Variants in PTPN13 observed in about 807,000 individuals in gnomAD.
The protein encoded by PTPN13 is tyrosine-protein phosphatase non-receptor type 13.
Under a neutral mutation model 284.0 loss-of-function variants are expected in PTPN13, and 191 were observed. The ratio of observed to expected loss-of-function variants is 0.67; its 90% CI spans 0.60 to 0.76. The LOEUF is 0.76. Ranked by LOEUF, PTPN13 falls within the 30% of genes least tolerant of loss-of-function variation. PTPN13 has a pLI of 0.00. For missense variants in PTPN13, 2,797 were observed against 2,939.9 expected (o/e 0.95, Z 1.12); for synonymous variants, 986 against 1,022.3 (o/e 0.96, Z 0.68).
At chr4:86,716,761 GGTTA>G in intron 8 of PTPN13, 136 bp downstream of exon 8, 1 of 724,812 alleles carries the variant, frequency 1.4e-6, no homozygotes, top group South Asian at 2.0e-5. Flanking sequence ...AAAAGCTGCT[GGTTA>G]CTCAGTAGTA....
intron 7 of PTPN13, among the ~76,000 whole-genome samples, chr4:86,704,875 A>G (rs1212166): frequency 0.26 from 39,280 of 152,134 alleles, 5,972 homozygotes; most frequent in South Asian, 0.49. Context: ...CTCCATTATT[A>G]TATAGTAACT....
intron 40 of PTPN13, among the ~76,000 whole-genome samples, chr4:86,786,828 C>T (rs191685315): frequency 4.6e-5 from 7 of 152,182 alleles, no homozygotes; most frequent in Admixed American, 1.3e-4. Flanking sequence ...GTAGGCCGGG[C>T]GCGTTGGCTC....
intron 42 of PTPN13, among the ~76,000 whole-genome samples, chr4:86,799,973 G>A (rs1303249168): frequency 6.6e-6 from 1 of 151,500 alleles, no homozygotes; most frequent in African/African-American, 2.4e-5. Flanking sequence ...AAGTAGCTGG[G>A]ATTACAAGTG....
chr4:86,646,224 C>T (rs1724404337), intron 2 of PTPN13, among the ~76,000 whole-genome samples: 1 of 150,944 alleles, frequency 6.6e-6, no homozygotes, highest in East Asian at 1.9e-4. Context: ...TAAAAACATC[C>T]ACTCTTCTAA....
Position 86,721,215 on chromosome 4 carries a change from A to G in PTPN13, c.1386-997A>G, listed in dbSNP as rs149026284. 3.3e-5 allele frequency among the ~76,000 whole-genome samples: 5 copies of G among 152,206 alleles called. No individual in the cohort carries two copies. In the East Asian group the frequency reaches 5.8e-4, roughly 18 times the overall value. On this transcript the variant is annotated intron_variant, in intron 9 of 47. Coordinates refer to ENST00000411767, the MANE Select transcript of PTPN13 (RefSeq NM_080683.3). ...AAATAATTTTAGCTAAAAGACTGTA[A>G]TATTTTATGAAAATAACAGGTTTGA...
intron 7 of PTPN13, among the ~76,000 whole-genome samples, chr4:86,710,896 C>A (rs547599136): frequency 6.6e-6 from 1 of 151,860 alleles, no homozygotes; most frequent in Non-Finnish European, 1.5e-5. Flanking sequence ...ATCTGTATAA[C>A]TAGACTTCTG....
At chr4:86,674,462 G>A (rs1187709485) in intron 3 of PTPN13, among the ~76,000 whole-genome samples, 3 of 152,166 alleles carry the variant, frequency 2.0e-5, no homozygotes, top group Non-Finnish European at 2.9e-5. Context: ...TTCAGAGATT[G>A]AATGTGTATG....
At chr4:86,754,834 A>T (rs2149219908) in intron 20 of PTPN13, among the ~76,000 whole-genome samples, 1 of 152,218 alleles carries the variant, frequency 6.6e-6, no homozygotes, top group Middle Eastern at 3.4e-3. Context: ...CAGAAGGCTT[A>T]AAGTCTCACC....
intron 2 of PTPN13, among the ~76,000 whole-genome samples, chr4:86,663,193 C>CT (rs1379759596): frequency 1.3e-5 from 2 of 152,136 alleles, no homozygotes; most frequent in African/African-American, 4.8e-5. Context: ...AGGTTCATGG[C>CT]TGAGGCCCCT....
intron 40 of PTPN13, among the ~76,000 whole-genome samples, chr4:86,791,216 C>G (rs991594876): frequency 1.3e-5 from 2 of 152,206 alleles, no homozygotes; most frequent in Admixed American, 6.5e-5. Context: ...CAGCGGGTCC[C>G]AAGCCCACGG....
chr4:86,810,068 G>A (rs1473394460), intron 46 of PTPN13, 84 bp downstream of exon 46: 60 of 1,116,358 alleles, frequency 5.4e-5, no homozygotes, highest in Non-Finnish European at 7.1e-5. Context: ...GTGATCTTGG[G>A]ATATTTTAAC....
intron 10 of PTPN13, among the ~76,000 whole-genome samples, chr4:86,727,847 C>CT (rs1734460671): frequency 6.7e-6 from 1 of 148,902 alleles, no homozygotes; most frequent in South Asian, 2.1e-4. Flanking sequence ...TATTTCTTGC[C>CT]TTTTGCTAGC....
chr4:86,689,896 T>A, intron 5 of PTPN13: 1 of 579,846 alleles, frequency 1.7e-6, no homozygotes, highest in East Asian at 2.8e-5. Flanking sequence ...AGGGTTGTAG[T>A]CCTGGAGTGT....
intron 1 of PTPN13, among the ~76,000 whole-genome samples, chr4:86,632,959 C>T (rs1158223130): frequency 6.6e-6 from 1 of 151,998 alleles, no homozygotes; most frequent in Admixed American, 6.6e-5. Flanking sequence ...CAGTAGGCAC[C>T]ACCATGCCCG....
chr4:86,670,321 T>C (rs1727600195), intron 2 of PTPN13, among the ~76,000 whole-genome samples: 1 of 150,042 alleles, frequency 6.7e-6, no homozygotes, highest in South Asian at 2.1e-4. Context: ...TTCAAATGTA[T>C]AACAGATATC....
chr4:86,780,582 T>C, intron 36 of PTPN13, 110 bp downstream of exon 36: 1 of 741,788 alleles, frequency 1.3e-6, no homozygotes, highest in African/African-American at 1.7e-5. Context: ...AACTTACACC[T>C]AAAATATAAT....
intron 44 of PTPN13, 111 bp from the exon 45 acceptor site, chr4:86,807,449 T>C (rs1399967312): frequency 1.3e-5 from 10 of 788,166 alleles, no homozygotes; most frequent in Non-Finnish European, 2.1e-5. Flanking sequence ...CGTTGGTGAT[T>C]TCATCTGTGA....
At chr4:86,773,003 AAAG>A in intron 32 of PTPN13, 45 bp downstream of exon 32, 4 of 1,364,978 alleles carry the variant, frequency 2.9e-6, no homozygotes, top group Non-Finnish European at 3.9e-6. Flanking sequence ...ATATTTTTTA[AAAG>A]AAGGTGTGTT....
chr4:86,764,592 G>T lies in PTPN13; in HGVS notation c.4018-1G>T. The stretch of plus-strand genomic sequence containing the variant: ...ATCTTTGTTTGTTTTTCTTTGTTAA[G>T]GAATCTTCCTCTTCAGTGAATACAT... On this transcript the variant is annotated splice_acceptor_variant, in intron 24 of 47. Transcript: ENST00000411767. LOFTEE classifies it high-confidence loss of function. 1 of 1,466,412 alleles carries T rather than the reference G, an allele frequency of 6.8e-7. No homozygotes were observed. The allele number at this position is 1,466,412 out of a possible 1,614,324, so 90.8% of individuals were successfully genotyped here. A position where few individuals can be genotyped will look rare whatever the true frequency, so the allele number is the denominator to read the frequency against.
Sources: allele counts gnomAD v4.1 joint callset (sites outside exome capture counted in the v4.1 genomes callset), GRCh38; gene constraint gnomAD v4.1.1; transcripts MANE v1.5; gene names NCBI Gene and HGNC (gene_info 2026-07-23, HGNC 2026-07-21).